Variants in DCHS2 observed in about 807,000 individuals in gnomAD.
DCHS2 encodes protocadherin-23.
DCHS2 carries 142 observed loss-of-function variants against 182.4 expected under a neutral mutation model. The observed-to-expected ratio is 0.78, with a 90% confidence interval of 0.68 to 0.89. DCHS2 has a LOEUF of 0.89. DCHS2 is among the 40% of genes least tolerant of loss of function. The probability of loss-of-function intolerance (pLI) is 0.00; values close to 1 mark genes in which losing one functional copy is unlikely to be tolerated. For missense variants in DCHS2, 4,319 were observed against 4,198.6 expected, an observed-to-expected ratio of 1.03 and a Z score of -0.79; for synonymous variants, 1,740 against 1,663.3, an observed-to-expected ratio of 1.05 and a Z score of -1.12.
intron 3 of DCHS2, among the ~76,000 whole-genome samples, chr4:154,338,770 T>A (rs938229705): frequency 6.6e-6 from 1 of 152,176 alleles, no homozygotes; most frequent in African/African-American, 2.4e-5. Flanking sequence ...TAAATATACA[T>A]GTTTTCATCT....
At chr4:154,475,411 T>G (rs1735643361) in intron 1 of DCHS2, among the ~76,000 whole-genome samples, 1 of 152,140 alleles carries the variant, frequency 6.6e-6, no homozygotes, top group African/African-American at 2.4e-5. Context: ...AAGGGTAGAG[T>G]CATTTAATTC....
chr4:154,304,113 G>T (rs902588910), intron 12 of DCHS2, among the ~76,000 whole-genome samples: 2 of 151,298 alleles, frequency 1.3e-5, no homozygotes, highest in African/African-American at 4.9e-5. Context: ...TGCAGATGGA[G>T]ATGGGAGCCA....
intron 13 of DCHS2, among the ~76,000 whole-genome samples, chr4:154,296,611 T>C (rs575362616): frequency 1.2e-3 from 181 of 152,356 alleles, no homozygotes; most frequent in African/African-American, 4.2e-3. Context: ...GCTGAACCTG[T>C]GGGCTTTCCA....
intron 13 of DCHS2, among the ~76,000 whole-genome samples, chr4:154,270,909 C>A (rs1367583568): frequency 6.6e-6 from 1 of 152,042 alleles, no homozygotes; most frequent in Non-Finnish European, 1.5e-5. Flanking sequence ...GAGTAACCAG[C>A]AACTTAACTG....
intron 9 of DCHS2, among the ~76,000 whole-genome samples, chr4:154,316,279 A>T (rs1265006522): frequency 6.6e-6 from 1 of 152,202 alleles, no homozygotes; most frequent in Non-Finnish European, 1.5e-5. Context: ...TCTAGCCAAC[A>T]TCTACCTCCC....
chr4:154,321,311 T>A, intron 8 of DCHS2, 89 bp from the exon 9 acceptor site: 1 of 1,307,862 alleles, frequency 7.6e-7, no homozygotes, highest in South Asian at 2.1e-5. Flanking sequence ...GAAAGCAAAT[T>A]CCTTCCATGT....
chr4:154,323,512 C>A (rs962699529), intron 7 of DCHS2, among the ~76,000 whole-genome samples: 4 of 152,082 alleles, frequency 2.6e-5, no homozygotes, highest in African/African-American at 4.8e-5. Context: ...GTTGGCCCCC[C>A]ACTGATGCAC....
Position 154,490,752 on chromosome 4 carries a change from G to T in DCHS2, c.604C>A (p.Gln202Lys), listed in dbSNP as rs1245888686. 1 of 1,551,644 alleles carries T rather than the reference G, an allele frequency of 6.4e-7. No individual in the cohort carries two copies. Among genetic ancestry groups the T allele is most frequent in the Admixed American group, 2.0e-5 (1 of 51,012 alleles). Residue 202 changes from glutamine to lysine, a missense_variant, in exon 1 of 20, where the codon CAG becomes AAG. Gln to Lys is a moderately conservative substitution (Grantham distance 53). Transcript: ENST00000357232. ...HDPDAGLFST[Q>K]GYTLVQPSDL... ...GACGGTTGCACCAGGGTGTAGCCCT[G>T]AGTGCTGAACAGTCCGGCGTCCGGA... is the stretch of plus-strand genomic sequence containing the variant.
At chr4:154,476,431 A>T (rs967880193) in intron 1 of DCHS2, among the ~76,000 whole-genome samples, 3 of 152,220 alleles carry the variant, frequency 2.0e-5, no homozygotes, top group African/African-American at 7.2e-5. Context: ...AAGGGTATTA[A>T]TTGTCTTACT....
intron 14 of DCHS2, among the ~76,000 whole-genome samples, chr4:154,262,960 A>G (rs1445411145): frequency 6.6e-6 from 1 of 152,244 alleles, no homozygotes; most frequent in African/African-American, 2.4e-5. Context: ...GTTTAAATAC[A>G]GAGTCAACTT....
At chr4:154,270,280 T>C (rs900421573) in intron 13 of DCHS2, among the ~76,000 whole-genome samples, 1 of 152,078 alleles carries the variant, frequency 6.6e-6, no homozygotes, top group African/African-American at 2.4e-5. Context: ...TACATAATCA[T>C]AGAAAAGTTT....
chr4:154,352,247 C>T (rs1729655353), intron 3 of DCHS2, among the ~76,000 whole-genome samples: 1 of 152,214 alleles, frequency 6.6e-6, no homozygotes, highest in Admixed American at 6.5e-5. Flanking sequence ...TCACCCCAAC[C>T]TGCCAGACTA....
At chr4:154,412,761 GT>G (rs1172001379) in intron 1 of DCHS2, among the ~76,000 whole-genome samples, 7 of 152,220 alleles carry the variant, frequency 4.6e-5, no homozygotes, top group African/African-American at 1.7e-4. Flanking sequence ...TATAACAAAT[GT>G]TCACATAAGT....
At chr4:154,256,096 T>C (rs542439170) in intron 15 of DCHS2, among the ~76,000 whole-genome samples, 2 of 152,320 alleles carry the variant, frequency 1.3e-5, no homozygotes, top group Admixed American at 6.5e-5. Context: ...CTTAAAGAAT[T>C]ACCTATAAAA....
chr4:154,393,477 A>C (rs1731795961), intron 1 of DCHS2, among the ~76,000 whole-genome samples: 1 of 152,208 alleles, frequency 6.6e-6, no homozygotes, highest in African/African-American at 2.4e-5. Context: ...TCTTTATGTA[A>C]TAGTTTAATC....
rs147765336 is a variant in DCHS2, at chr4:154,255,551, C to T, written c.6909G>A (p.Ala2303=). 15 of 1,613,552 alleles carry T rather than the reference C, an allele frequency of 9.3e-6. No individual in the cohort carries two copies. In the Admixed American group the frequency reaches 1.2e-4, roughly 13 times the overall value. ...DALSGVITTK[A]ILDYELTSSY... ...AGCTGGTGAGCTCGTAATCTAGAAT[C>T]GCTTTTGTTGTTATCACACCACTCA... The change falls in exon 16 of 20, where the codon GCG becomes GCA. Residue 2303 remains alanine (A), a synonymous_variant. Coordinates refer to ENST00000357232, the MANE Select transcript of DCHS2 (RefSeq NM_001358235.2).
intron 1 of DCHS2, among the ~76,000 whole-genome samples, chr4:154,472,211 C>T (rs1735500964): frequency 6.6e-6 from 1 of 152,224 alleles, no homozygotes; most frequent in South Asian, 2.1e-4. Flanking sequence ...CTCTTCTATA[C>T]TTTATCCCCT....
At chr4:154,254,982 TATA>T (rs1732579640) in intron 16 of DCHS2, among the ~76,000 whole-genome samples, 3 of 152,244 alleles carry the variant, frequency 2.0e-5, no homozygotes, top group African/African-American at 7.2e-5. Context: ...TTGAATTCTG[TATA>T]AGGCTGGCAT....
At chr4:154,350,707 C>G (rs998170701) in intron 3 of DCHS2, among the ~76,000 whole-genome samples, 2 of 151,576 alleles carry the variant, frequency 1.3e-5, no homozygotes, top group Admixed American at 6.5e-5. Flanking sequence ...GCAACACTTA[C>G]CATCTATTTT....
Sources: gnomAD v4.1 joint callset for allele counts (sites outside exome capture counted in the v4.1 genomes callset) on GRCh38, gnomAD v4.1.1 for gene constraint, MANE v1.5 for transcripts, NCBI Gene and HGNC (gene_info 2026-07-23, HGNC 2026-07-21) for gene names.